ADGRB3: variants seen among roughly 807,000 people sequenced by gnomAD.
ADGRB3 encodes adhesion G protein-coupled receptor B3, also known as brain-specific angiogenesis inhibitor 3.
Under a neutral mutation model 193.4 loss-of-function variants are expected in ADGRB3, and 37 were observed. That is an observed-to-expected ratio of 0.19 (90% confidence interval 0.15 to 0.25). ADGRB3 has a LOEUF of 0.25. Among genes scored for constraint, ADGRB3 ranks in the 10% least tolerant of loss-of-function variants. ADGRB3 has a pLI of 1.00. For synonymous variants in ADGRB3, 690 were observed against 644.2 expected, an observed-to-expected ratio of 1.07 and a Z score of -1.08; for missense variants, 1,637 against 1,852.9, an observed-to-expected ratio of 0.88 and a Z score of 2.14.
At chr6:68,784,505 A>C (rs917951408) in intron 3 of ADGRB3, among the ~76,000 whole-genome samples, 1 of 152,016 alleles carries the variant, frequency 6.6e-6, no homozygotes, top group African/African-American at 2.4e-5. Flanking sequence ...ATATCTACAT[A>C]CTCTTTTATT....
intron 3 of ADGRB3, among the ~76,000 whole-genome samples, chr6:68,822,767 CA>C (rs1268487282): frequency 6.6e-6 from 1 of 151,884 alleles, no homozygotes; most frequent in Admixed American, 6.6e-5. Context: ...AATCGTCATT[CA>C]AAAATTTTAT....
chr6:68,746,373 T>C (rs1562013734), intron 3 of ADGRB3, among the ~76,000 whole-genome samples: 1 of 152,058 alleles, frequency 6.6e-6, no homozygotes, highest in Non-Finnish European at 1.5e-5. Flanking sequence ...AAGTTATTAT[T>C]TTCTTCTTAT....
At chr6:68,725,561 C>CT (rs1211106157) in intron 3 of ADGRB3, among the ~76,000 whole-genome samples, 2 of 151,618 alleles carry the variant, frequency 1.3e-5, no homozygotes, top group South Asian at 4.1e-4. Context: ...AAAACAAGAA[C>CT]TTGAGAATGA....
intron 3 of ADGRB3, among the ~76,000 whole-genome samples, chr6:68,772,893 AAATATATAT>A (rs1385245359): frequency 0.016 from 372 of 22,658 alleles, 5 homozygotes; most frequent in East Asian, 0.077. Context: ...AAAAAAAAAA[AAATATATAT>A]ATATATATAT....
At chr6:69,023,955 C>T (rs898301091) in intron 13 of ADGRB3, among the ~76,000 whole-genome samples, 1 of 151,934 alleles carries the variant, frequency 6.6e-6, no homozygotes, top group Non-Finnish European at 1.5e-5. Context: ...GTATTTTTGA[C>T]ATATTAATAT....
At chr6:68,976,301 T>A (rs1768746130) in intron 10 of ADGRB3, among the ~76,000 whole-genome samples, 2 of 152,178 alleles carry the variant, frequency 1.3e-5, no homozygotes, top group Non-Finnish European at 2.9e-5. Flanking sequence ...AGAAAAGCAT[T>A]TTTTTAAAAT....
chr6:68,975,192 A>T (rs370990683), intron 9 of ADGRB3, 42 bp from the exon 10 acceptor site: 18 of 1,529,800 alleles, frequency 1.2e-5, no homozygotes, highest in Non-Finnish European at 1.5e-5. Flanking sequence ...GCCTTCAAAC[A>T]TCCCTATTAT....
intron 17 of ADGRB3, among the ~76,000 whole-genome samples, chr6:69,095,706 G>A (rs1390462105): frequency 6.6e-6 from 1 of 152,148 alleles, no homozygotes; most frequent in African/African-American, 2.4e-5. Flanking sequence ...AAGTGACAAA[G>A]TAATCACAAA....
intron 3 of ADGRB3, among the ~76,000 whole-genome samples, chr6:68,781,332 T>A (rs1766848297): frequency 6.6e-6 from 1 of 152,158 alleles, no homozygotes; most frequent in African/African-American, 2.4e-5. Context: ...AAGACCTTGT[T>A]ATCTTTTAGC....
At chr6:68,858,608 A>C (rs1765058726) in intron 3 of ADGRB3, among the ~76,000 whole-genome samples, 1 of 151,658 alleles carries the variant, frequency 6.6e-6, no homozygotes, top group Admixed American at 6.6e-5. Context: ...AAAAAAAAAA[A>C]AAACACAGCA....
rs116862326 is a variant in ADGRB3, at chr6:69,059,838, C to T, written c.2334-3096C>T. Among the ~76,000 whole-genome samples the T allele has an allele frequency of 2.4e-3, 362 of 152,210 alleles. 11 individuals are homozygous for T. Among genetic ancestry groups the T allele is most frequent in the Admixed American group, 0.018 (281 of 15,260 alleles). On this transcript the variant is annotated intron_variant, in intron 15 of 31. Coordinates refer to ENST00000370598, the MANE Select transcript of ADGRB3 (RefSeq NM_001704.3). Reference sequence around the variant, plus strand: ...ATTTAATACCATGATATTGGCATTACATTTTAAATCAACTTGTTAAAATTT... The same window carrying T: ...ATTTAATACCATGATATTGGCATTATATTTTAAATCAACTTGTTAAAATTT...
chr6:68,838,852 C>A (rs73745899), intron 3 of ADGRB3, among the ~76,000 whole-genome samples: 7 of 152,254 alleles, frequency 4.6e-5, no homozygotes, highest in African/African-American at 1.7e-4. Context: ...ATTTCAGAAT[C>A]TTTTTGAAGT....
At chr6:68,677,922 C>A (rs1369762945) in intron 3 of ADGRB3, among the ~76,000 whole-genome samples, 1 of 152,062 alleles carries the variant, frequency 6.6e-6, no homozygotes, top group African/African-American at 2.4e-5. Flanking sequence ...AAAAGACATC[C>A]AAATTTTCTT....
intron 17 of ADGRB3, among the ~76,000 whole-genome samples, chr6:69,102,177 C>CA (rs777752874): frequency 0.51 from 45,966 of 90,746 alleles, 10,504 homozygotes; most frequent in East Asian, 0.84. Context: ...GACTCCGTCT[C>CA]AAAAAAAAAA....
At chr6:68,979,914 G>A (rs1215091518) in intron 10 of ADGRB3, among the ~76,000 whole-genome samples, 1 of 151,246 alleles carries the variant, frequency 6.6e-6, no homozygotes, top group Admixed American at 6.6e-5. Context: ...CACACCTGGG[G>A]AGACAAGCTG....
At chr6:68,647,529 A>G (rs1258198404) in intron 3 of ADGRB3, among the ~76,000 whole-genome samples, 1 of 152,150 alleles carries the variant, frequency 6.6e-6, no homozygotes, top group Non-Finnish European at 1.5e-5. Flanking sequence ...AGAGCATTTA[A>G]CAAAGGATCA....
intron 16 of ADGRB3, among the ~76,000 whole-genome samples, chr6:69,072,014 A>T (rs1772093601): frequency 6.6e-6 from 1 of 152,042 alleles, no homozygotes; most frequent in Non-Finnish European, 1.5e-5. Context: ...CCTTTTAGCC[A>T]GCTTTGTTTT....
At chr6:68,752,175 A>G (rs1160156895) in intron 3 of ADGRB3, among the ~76,000 whole-genome samples, 2 of 152,230 alleles carry the variant, frequency 1.3e-5, no homozygotes, top group East Asian at 1.9e-4. Context: ...GTATTACAAG[A>G]AATCAAAATT....
At chr6:69,246,977 T>C (rs1661472352) in intron 20 of ADGRB3, among the ~76,000 whole-genome samples, 1 of 152,096 alleles carries the variant, frequency 6.6e-6, no homozygotes, top group Admixed American at 6.6e-5. Flanking sequence ...AGCCAGACAA[T>C]GCAAAGAAAC....
Sources: allele counts gnomAD v4.1 joint callset (sites outside exome capture counted in the v4.1 genomes callset), GRCh38; gene constraint gnomAD v4.1.1; transcripts MANE v1.5; gene names NCBI Gene and HGNC (gene_info 2026-07-23, HGNC 2026-07-21).